MAD1L1: variants seen among roughly 807,000 people sequenced by gnomAD.
The protein encoded by MAD1L1 is mitotic arrest deficient 1 like 1, also known as mitotic spindle assembly checkpoint protein MAD1.
MAD1L1 carries 95 observed loss-of-function variants against 96.9 expected under a neutral mutation model. The observed-to-expected ratio is 0.98, with a 90% CI of 0.83 to 1.16. The LOEUF is 1.16. MAD1L1 is among the 50% of genes most tolerant of loss of function. The pLI, the probability that MAD1L1 is intolerant of heterozygous loss-of-function variation, is 0.00. For synonymous variants in MAD1L1, 473 were observed against 396.6 expected (o/e 1.19, Z -2.29); for missense variants, 1,007 against 954.4 (o/e 1.06, Z -0.73).
At chr7:2,138,095 C>T (rs1268827522) in intron 11 of MAD1L1, among the ~76,000 whole-genome samples, 2 of 152,250 alleles carry the variant, frequency 1.3e-5, no homozygotes, top group East Asian at 1.9e-4. Context: ...GCTGCACCCA[C>T]GCTGCGCTCT....
intron 18 of MAD1L1, among the ~76,000 whole-genome samples, chr7:1,817,773 G>C (rs1386629683): frequency 2.0e-5 from 3 of 152,104 alleles, no homozygotes; most frequent in Non-Finnish European, 2.9e-5. Context: ...GCAGCCCTCT[G>C]GGAACCCTCC....
At chr7:2,038,737 C>A (rs1448537688) in intron 12 of MAD1L1, among the ~76,000 whole-genome samples, 1 of 126,762 alleles carries the variant, frequency 7.9e-6, no homozygotes, top group East Asian at 2.1e-4. Flanking sequence ...TGGTCTCGAA[C>A]TCCTGCTGAC....
In MAD1L1 at chr7:1,968,916, C is replaced by T. The variant is rs1439089022; in HGVS notation, c.1506-11197G>A. On this transcript the variant is annotated intron_variant, in intron 15 of 18. Coordinates refer to ENST00000265854, the MANE Select transcript of MAD1L1 (RefSeq NM_001013836.2). This position sits in a 1 kb window ranked among gnomAD's most constrained non-coding sequence, Gnocchi z 5.6. ...CAACATGCAGGAAAGCCTGGTGGAT[C>T]CAAACAAGGGCTGGAGACAGGCCCA... Among the ~76,000 whole-genome samples the T allele has an allele frequency of 6.6e-6, 1 of 152,166 alleles. No homozygotes were observed. The highest frequency in any genetic ancestry group is 1.5e-5 in the Non-Finnish European group (1 of 68,024).
rs545493425 is a variant in MAD1L1 at position 1,827,669 on chromosome 7, G to A, written c.1999-11441C>T. Among the ~76,000 whole-genome samples the A allele has an allele frequency of 3.0e-5, 3 of 99,504 alleles. 1 individual carries two copies. Among genetic ancestry groups the A allele is most frequent in the Admixed American group, 1.8e-4 (2 of 11,206 alleles). 65.3% of individuals were successfully genotyped at this position (99,504 alleles called of 152,430 possible). ...GCCTCCCCTCCTGAGCCCGGCCCGG[G>A]TGTGGGGGCCTCCCCTCCTGAGCCC... On this transcript the variant is annotated intron_variant, in intron 18 of 18. Coordinates refer to ENST00000265854, the MANE Select transcript of MAD1L1 (RefSeq NM_001013836.2).
chr7:2,176,076 G>A (rs567699851), intron 10 of MAD1L1, among the ~76,000 whole-genome samples: 19 of 152,236 alleles, frequency 1.2e-4, no homozygotes, highest in East Asian at 7.7e-4. Flanking sequence ...GTCTGGGTGC[G>A]GTGGCTCACA....
At chr7:2,109,427 CAA>C (rs1787266184) in intron 11 of MAD1L1, 1 of 152,212 alleles carries the variant, frequency 6.6e-6, no homozygotes, top group South Asian at 2.1e-4. Context: ...GGAGGACACT[CAA>C]GAGTGGGGCC....
intron 16 of MAD1L1, among the ~76,000 whole-genome samples, chr7:1,956,837 C>G (rs1779749570): frequency 6.6e-6 from 1 of 152,268 alleles, no homozygotes; most frequent in African/African-American, 2.4e-5. Context: ...CAACAAGCTC[C>G]AAGGGCCGGC....
chr7:2,047,576 T>A (rs1783980146), intron 12 of MAD1L1, among the ~76,000 whole-genome samples: 2 of 152,246 alleles, frequency 1.3e-5, no homozygotes, highest in Admixed American at 1.3e-4. Flanking sequence ...GCTGGCCTTG[T>A]CTGCTGGGCT....
chr7:1,975,475 G>C lies in MAD1L1; in HGVS notation c.1505+4978C>G, dbSNP rs553246265. 2.6e-5 allele frequency among the ~76,000 whole-genome samples: 4 copies of C among 152,248 alleles called. No homozygotes were observed. The South Asian group carries it at 8.3e-4, about 32-fold the overall frequency. The stretch of plus-strand genomic sequence containing the variant: ...TTCCCAGGCTGAACTCTCCCTGGCG[G>C]CCTGGGCTGGGCACGGTGAGCTCAA... On this transcript the variant is annotated intron_variant, in intron 15 of 18. Transcript: ENST00000265854.
At chr7:1,931,395 T>C (rs115481069) in intron 17 of MAD1L1, among the ~76,000 whole-genome samples, 2,380 of 152,328 alleles carry the variant, frequency 0.016, 57 homozygotes, top group African/African-American at 0.055. Flanking sequence ...TTTTCTCTTT[T>C]TAACTTTAGA....
chr7:2,104,369 C>A (rs552807987), intron 11 of MAD1L1, among the ~76,000 whole-genome samples: 4 of 152,330 alleles, frequency 2.6e-5, no homozygotes, highest in South Asian at 2.1e-4. Context: ...AGAGCCGTCA[C>A]GGCGGCGCAA....
intron 10 of MAD1L1, among the ~76,000 whole-genome samples, chr7:2,169,178 G>A (rs755620575): frequency 6.6e-6 from 1 of 152,128 alleles, no homozygotes; most frequent in Non-Finnish European, 1.5e-5. Context: ...TGACGCAAAC[G>A]CAGGCGGCTA....
At chr7:1,828,275 C>T (rs1782531121) in intron 18 of MAD1L1, among the ~76,000 whole-genome samples, 1 of 152,148 alleles carries the variant, frequency 6.6e-6, no homozygotes, top group Non-Finnish European at 1.5e-5. Context: ...AGAGACGGGG[C>T]GAGCCTGGGG....
rs182822465 is a variant in MAD1L1, at chr7:2,213,125, T to G, written c.986+87A>C. 8 of 1,404,728 alleles carry G rather than the reference T, an allele frequency of 5.7e-6. No individual in the cohort carries two copies. In the East Asian group the frequency reaches 1.8e-4, roughly 32 times the overall value. The allele number at this position is 1,404,728 out of a possible 1,614,324, so 87.0% of individuals were successfully genotyped here. On this transcript the variant is annotated intron_variant, in intron 10 of 18. Transcript: ENST00000265854. ...GCCACAGAGATGCCTGGCTGGAGACTGCGCTGGTGAGCCGGAAGCAGGCTC... is the reference window on the plus strand; with the variant it reads ...GCCACAGAGATGCCTGGCTGGAGACGGCGCTGGTGAGCCGGAAGCAGGCTC...
At chr7:1,831,854 G>T (rs1320153053) in intron 18 of MAD1L1, among the ~76,000 whole-genome samples, 1 of 152,176 alleles carries the variant, frequency 6.6e-6, no homozygotes, top group Non-Finnish European at 1.5e-5. Context: ...TAAGCCCACT[G>T]TTGAGACCTC....
At chr7:2,205,619 G>T (rs941449817) in intron 10 of MAD1L1, among the ~76,000 whole-genome samples, 4 of 152,276 alleles carry the variant, frequency 2.6e-5, no homozygotes, top group Non-Finnish European at 5.9e-5. Context: ...GGAGACAGAT[G>T]TGAGAGTTAT....
At chr7:2,013,057 T>C (rs573112450) in intron 13 of MAD1L1, among the ~76,000 whole-genome samples, 6 of 152,378 alleles carry the variant, frequency 3.9e-5, no homozygotes, top group African/African-American at 1.2e-4. Context: ...ACATGAATTA[T>C]GTTTGTTCAT....
chr7:1,903,197 G>A (rs1018282323), intron 17 of MAD1L1, among the ~76,000 whole-genome samples: 4 of 149,878 alleles, frequency 2.7e-5, no homozygotes, highest in East Asian at 3.9e-4. Context: ...TATTGAAGAC[G>A]CTCCTGCGGA....
chr7:1,936,886 G>A lies in MAD1L1; in HGVS notation c.1608C>T (p.Asp536=). The A allele has an allele frequency of 6.3e-7, 1 of 1,596,276 alleles. No individual in the cohort carries two copies. The highest frequency in any genetic ancestry group is 8.5e-7 in the Non-Finnish European group (1 of 1,170,090). Residue 536 remains aspartate (D), a synonymous_variant, in exon 17 of 19, where the codon GAC becomes GAT. Coordinates refer to ENST00000265854, the MANE Select transcript of MAD1L1 (RefSeq NM_001013836.2). The part of the protein sequence containing the change: ...LERRALQGDY[D]QSRTKVLHMS... ...TGTGCAGCACTTTGGTCCTGCTCTG[G>A]TCATAGTCACCCTGCAGGAACACAC...
Sources: allele counts gnomAD v4.1 joint callset (sites outside exome capture counted in the v4.1 genomes callset), GRCh38; gene constraint gnomAD v4.1.1; non-coding constraint Gnocchi (gnomAD v3.1); transcripts MANE v1.5; gene names NCBI Gene and HGNC (gene_info 2026-07-23, HGNC 2026-07-21).